Variants in AVEN observed in about 807,000 individuals in gnomAD.
The protein encoded by AVEN is cell death regulator Aven.
A neutral mutation model predicts 38.1 loss-of-function variants in AVEN; 41 were observed. The ratio of observed to expected loss-of-function variants is 1.08; its 90% CI spans 0.84 to 1.40. AVEN has a LOEUF of 1.40. Ranked by LOEUF, AVEN falls within the 40% of genes most tolerant of loss-of-function variation. AVEN has a pLI of 0.00. For synonymous variants in AVEN, 206 were observed against 171.8 expected, an observed-to-expected ratio of 1.20 and a Z score of -1.56; for missense variants, 605 against 438.8, an observed-to-expected ratio of 1.38 and a Z score of -3.38.
chr15:34,010,333 A>G (rs958959175), intron 1 of AVEN, among the ~76,000 whole-genome samples: 1 of 152,198 alleles, frequency 6.6e-6, no homozygotes, highest in African/African-American at 2.4e-5. Context: ...AAATAAATAA[A>G]TAAATAAAAG....
intron 2 of AVEN, among the ~76,000 whole-genome samples, chr15:33,959,334 G>GATTAC (rs1363136710): frequency 6.6e-6 from 1 of 151,860 alleles, no homozygotes; most frequent in Non-Finnish European, 1.5e-5. Context: ...AGCAGTTTTA[G>GATTAC]GTAATCTCTT....
At chr15:33,854,600 T>C (rs2079449422), downstream of AVEN, among the ~76,000 whole-genome samples, 1 of 152,070 alleles carries the variant, frequency 6.6e-6, no homozygotes, top group African/African-American at 2.4e-5. Context: ...TATACAATGG[T>C]ATAAGGTAGA....
downstream of AVEN, chr15:33,854,301 G>A: frequency 9.7e-7 from 1 of 1,030,982 alleles, no homozygotes; most frequent in Non-Finnish European, 1.4e-6. Context: ...TATTAAACCT[G>A]AGAGAAAAAA....
chr15:34,038,177 A>C (rs1018919281), intron 1 of AVEN, among the ~76,000 whole-genome samples: 1 of 152,236 alleles, frequency 6.6e-6, no homozygotes, highest in Non-Finnish European at 1.5e-5. Flanking sequence ...CTACACATAC[A>C]GGCATAATAA....
chr15:33,852,156 A>G, the AVEN span: 1 of 152,114 alleles, frequency 6.6e-6, no homozygotes, highest in African/African-American at 2.4e-5. Context: ...TCTAGAACCA[A>G]AAAGAATGAA....
At chr15:33,886,661 C>T (rs2153039356) in intron 2 of AVEN, among the ~76,000 whole-genome samples, 1 of 152,326 alleles carries the variant, frequency 6.6e-6, no homozygotes, top group South Asian at 2.1e-4. Context: ...TCTACTTCCC[C>T]TTCCACCATG....
At chr15:33,968,100 A>T (rs1488292712) in intron 2 of AVEN, among the ~76,000 whole-genome samples, 10 of 31,976 alleles carry the variant, frequency 3.1e-4, no homozygotes, top group African/African-American at 1.9e-3. Context: ...AGCAAAGCTT[A>T]AAAAAAAAAA....
downstream of AVEN, among the ~76,000 whole-genome samples, chr15:33,863,334 A>G (rs1039106037): frequency 6.6e-6 from 1 of 152,198 alleles, no homozygotes; most frequent in Non-Finnish European, 1.5e-5. Context: ...GGCAGTGAAC[A>G]TACTTAGAGC....
At position 34,047,073 on chromosome 15, in the gene AVEN, GTT is replaced by G. The variant is rs56218206; in HGVS notation, n.1637+15847_1637+15848del. On this transcript the variant is annotated intron_variant and non_coding_transcript_variant, in intron 5 of 11. Transcript: ENST00000675287. ...CTTTTTTGTTTTGGTTTTTTTGTTG[GTT>G]TTTTTTTTTTTCTTTTTTTGGAGAC... is the stretch of plus-strand genomic sequence containing the variant. 6.7e-3 allele frequency among the ~76,000 whole-genome samples: 968 copies of G among 145,132 alleles called. 8 individuals carry two copies. The highest frequency in any genetic ancestry group is 0.011 in the Non-Finnish European group (728 of 66,028).
chr15:33,938,421 C>G (rs997233633), intron 2 of AVEN, among the ~76,000 whole-genome samples: 4 of 151,936 alleles, frequency 2.6e-5, no homozygotes, highest in Admixed American at 2.6e-4. Context: ...CGCCACTGCA[C>G]TCCAGCCTGG....
chr15:33,866,777 G>T (rs2153032781), intron 5 of AVEN, 49 bp from the exon 6 acceptor site: 1 of 1,372,814 alleles, frequency 7.3e-7, no homozygotes, highest in Non-Finnish European at 1.0e-6. Context: ...TCCTAAAATT[G>T]AAGGTATAAT....
intron 3 of AVEN, among the ~76,000 whole-genome samples, chr15:33,875,429 C>T (rs2153035987): frequency 6.6e-6 from 1 of 152,230 alleles, no homozygotes; most frequent in Non-Finnish European, 1.5e-5. Flanking sequence ...GAAAATAAGG[C>T]ATTTGGGGTT....
chr15:33,883,837 T>C (rs1260887139), intron 2 of AVEN: 1 of 152,146 alleles, frequency 6.6e-6, no homozygotes, highest in African/African-American at 2.4e-5. Flanking sequence ...CTTCTCAGAA[T>C]GTATTTGAGA....
intron 1 of AVEN, among the ~76,000 whole-genome samples, chr15:34,016,008 G>A (rs1430440610): frequency 1.3e-5 from 2 of 152,206 alleles, no homozygotes; most frequent in East Asian, 1.9e-4. Context: ...TGGGCGCGGT[G>A]GCTCATGCCT....
chr15:34,003,994 T>A (rs1021374987), intron 1 of AVEN, among the ~76,000 whole-genome samples: 30 of 152,334 alleles, frequency 2.0e-4, no homozygotes, highest in African/African-American at 7.2e-4. Context: ...TTGCCCTTGA[T>A]AGCCTTCTGT....
intron 2 of AVEN, among the ~76,000 whole-genome samples, chr15:33,899,499 T>C (rs918032655): frequency 2.1e-5 from 3 of 140,172 alleles, no homozygotes; most frequent in Non-Finnish European, 4.6e-5. Flanking sequence ...AGACGGAGTG[T>C]TGCTCTGTCA....
Position 34,063,957 on chromosome 15 carries a change from T to G in AVEN, n.1127-525A>C. 6.2e-7 allele frequency: 1 copy of G among 1,614,036 alleles called. No individual in the cohort carries two copies. Among genetic ancestry groups the G allele is most frequent in the Non-Finnish European group, 8.5e-7 (1 of 1,179,998 alleles). On this transcript the variant is annotated intron_variant and non_coding_transcript_variant, in intron 4 of 11. Coordinates refer to the AVEN transcript ENST00000675287. The surrounding 1 kb of genome is among the most constrained non-coding windows in gnomAD (Gnocchi z 4.1). ...CCCCTTCCCAGTGGCCAAGGAACCT[T>G]CAACGAAAGGCCTCAATCCCAACCC... is the stretch of plus-strand genomic sequence containing the variant.
intron 2 of AVEN, among the ~76,000 whole-genome samples, chr15:33,941,630 G>A (rs889953401): frequency 2.0e-5 from 3 of 151,954 alleles, no homozygotes; most frequent in African/African-American, 7.3e-5. Context: ...AAAATACAAA[G>A]TGAGAATAAT....
At chr15:34,025,769 T>C (rs1234667768) in intron 1 of AVEN, among the ~76,000 whole-genome samples, 1 of 152,112 alleles carries the variant, frequency 6.6e-6, no homozygotes, top group African/African-American at 2.4e-5. Context: ...TGTGTGTGTG[T>C]GTTTGTGTGT....
Sources: gnomAD v4.1 joint callset for allele counts (sites outside exome capture counted in the v4.1 genomes callset) on GRCh38, gnomAD v4.1.1 for gene constraint, Gnocchi (gnomAD v3.1) non-coding constraint, MANE v1.5 for transcripts, NCBI Gene and HGNC (gene_info 2026-07-23, HGNC 2026-07-21) for gene names.